LRP1B: variants seen among roughly 807,000 people sequenced by gnomAD.
LRP1B encodes LDL receptor related protein 1B.
LRP1B carries 217 observed loss-of-function variants against 556.6 expected under a neutral mutation model. The observed-to-expected ratio is 0.39, with a 90% CI of 0.35 to 0.44. The LOEUF (loss-of-function observed/expected upper bound fraction) is 0.44. LRP1B is among the 20% of genes least tolerant of loss of function. The pLI is 1.00. For missense variants in LRP1B, 5,053 were observed against 5,620.8 expected (o/e 0.90, Z 3.23); for synonymous variants, 2,047 against 1,865.8 (o/e 1.10, Z -2.50).
Position 141,242,214 on chromosome 2 carries a change from C to T in LRP1B, c.592+5012G>A, listed in dbSNP as rs300365. 4.0e-3 allele frequency among the ~76,000 whole-genome samples: 612 copies of T among 152,216 alleles called. 1 individual carries two copies. Among genetic ancestry groups the T allele is most frequent in the African/African-American group, 0.014 (583 of 41,556 alleles). On this transcript the variant is annotated intron_variant, in intron 5 of 90. Transcript: ENST00000389484. ...TATGTGGCAGAGAATTCTTCCCCCACTACACAGACACCTGCCAATTCTCCC... is the reference window on the plus strand; with the variant it reads ...TATGTGGCAGAGAATTCTTCCCCCATTACACAGACACCTGCCAATTCTCCC...
chr2:140,610,815 C>T (rs1683045903), intron 41 of LRP1B, among the ~76,000 whole-genome samples: 1 of 152,176 alleles, frequency 6.6e-6, no homozygotes, highest in Admixed American at 6.5e-5. Context: ...TCGCTCTCCG[C>T]CCGCCTCGGC....
At chr2:141,722,729 CATAGATAG>C (rs58081113) in intron 2 of LRP1B, among the ~76,000 whole-genome samples, 3,365 of 146,052 alleles carry the variant, frequency 0.023, 49 homozygotes, top group African/African-American at 0.028. Flanking sequence ...CAGATAGATA[CATAGATAG>C]ATAGATAGAT....
At chr2:141,313,596 GAAT>G (rs1466212210) in intron 3 of LRP1B, among the ~76,000 whole-genome samples, 2 of 152,080 alleles carry the variant, frequency 1.3e-5, no homozygotes, top group African/African-American at 4.8e-5. Flanking sequence ...CCTGGATTCT[GAAT>G]AATATTGGAA....
chr2:141,143,031 C>T (rs774027001), intron 7 of LRP1B, among the ~76,000 whole-genome samples: 3 of 145,202 alleles, frequency 2.1e-5, no homozygotes, highest in East Asian at 2.1e-4. Flanking sequence ...CAGGTTCAAA[C>T]GATTCTCCTG....
chr2:140,524,179 C>G (rs1372920016), intron 49 of LRP1B, among the ~76,000 whole-genome samples: 1 of 151,716 alleles, frequency 6.6e-6, no homozygotes, highest in Non-Finnish European at 1.5e-5. Flanking sequence ...GAAACAGACA[C>G]TTCTCAAAAG....
At chr2:142,031,330 A>ATCTTTTTTTTTT (rs1553506158) in intron 1 of LRP1B, among the ~76,000 whole-genome samples, 1 of 117,038 alleles carries the variant, frequency 8.5e-6, no homozygotes, top group African/African-American at 2.9e-5. Flanking sequence ...GATTATACTT[A>ATCTTTTTTTTTT]TTTTTTTTTT....
At chr2:141,464,602 A>ATTTTTTTTTTTTTT (rs1327185759) in intron 3 of LRP1B, among the ~76,000 whole-genome samples, 1 of 73,460 alleles carries the variant, frequency 1.4e-5, no homozygotes, top group African/African-American at 5.6e-5. Context: ...ATATATATAT[A>ATTTTTTTTTTTTTT]TATATTTTTT....
intron 2 of LRP1B, among the ~76,000 whole-genome samples, chr2:141,680,775 T>C (rs1180873841): frequency 6.6e-6 from 1 of 152,174 alleles, no homozygotes; most frequent in East Asian, 1.9e-4. Context: ...TTTGAATCTA[T>C]GGTGTTATCA....
intron 1 of LRP1B, among the ~76,000 whole-genome samples, chr2:142,127,703 T>C (rs1428172781): frequency 2.0e-5 from 3 of 151,984 alleles, no homozygotes; most frequent in African/African-American, 7.2e-5. Context: ...AATTTTGATA[T>C]ACATTTAATT....
intron 19 of LRP1B, 141 bp downstream of exon 19, chr2:140,951,719 C>G: frequency 1.6e-6 from 1 of 621,622 alleles, no homozygotes; most frequent in Non-Finnish European, 2.9e-6. Flanking sequence ...GTGCTGCTAG[C>G]TGCCCGCTCA....
intron 20 of LRP1B, among the ~76,000 whole-genome samples, chr2:140,940,787 G>C (rs1027889715): frequency 1.3e-5 from 2 of 152,108 alleles, no homozygotes; most frequent in African/African-American, 4.8e-5. Context: ...TATATACTCA[G>C]TATTGGGATT....
At chr2:141,916,178 G>T (rs913082688) in intron 1 of LRP1B, among the ~76,000 whole-genome samples, 3 of 152,078 alleles carry the variant, frequency 2.0e-5, no homozygotes, top group African/African-American at 4.8e-5. Context: ...CAATCTGGGT[G>T]CTGATGGCTG....
At chr2:141,481,071 T>C (rs896610342) in intron 2 of LRP1B, among the ~76,000 whole-genome samples, 9 of 152,196 alleles carry the variant, frequency 5.9e-5, no homozygotes, top group Admixed American at 2.0e-4. Flanking sequence ...ATGTATGACT[T>C]CTATTGTTTA....
At chr2:141,132,812 T>C (rs920141630) in intron 7 of LRP1B, among the ~76,000 whole-genome samples, 4 of 152,028 alleles carry the variant, frequency 2.6e-5, no homozygotes, top group Non-Finnish European at 5.9e-5. Flanking sequence ...GATACACAAA[T>C]ATAAAAAAGT....
intron 1 of LRP1B, among the ~76,000 whole-genome samples, chr2:142,086,675 C>A (rs1279648121): frequency 1.3e-5 from 2 of 151,864 alleles, no homozygotes. Context: ...AGCAGCTTTG[C>A]TGGACTTGAG....
intron 3 of LRP1B, among the ~76,000 whole-genome samples, chr2:141,363,166 T>C (rs997598758): frequency 2.0e-5 from 3 of 152,198 alleles, no homozygotes; most frequent in Non-Finnish European, 2.9e-5. Context: ...CATACTTCTT[T>C]GTCTGTTTTT....
At chr2:140,630,236 G>A (rs1175971615) in intron 41 of LRP1B, among the ~76,000 whole-genome samples, 2 of 152,118 alleles carry the variant, frequency 1.3e-5, no homozygotes, top group African/African-American at 4.8e-5. Flanking sequence ...GGAGATTCTG[G>A]TGCATGATAA....
At chr2:141,149,018 A>C (rs2105077155) in intron 7 of LRP1B, among the ~76,000 whole-genome samples, 1 of 152,134 alleles carries the variant, frequency 6.6e-6, no homozygotes, top group African/African-American at 2.4e-5. Flanking sequence ...AACCCTGGGA[A>C]GCAGAGGTTG....
At chr2:141,112,916 A>G (rs953089313) in intron 7 of LRP1B, among the ~76,000 whole-genome samples, 2 of 152,232 alleles carry the variant, frequency 1.3e-5, no homozygotes, top group African/African-American at 4.8e-5. Context: ...AAAAAAGTTC[A>G]TCAGTGTTAA....
Sources: allele counts gnomAD v4.1 joint callset (sites outside exome capture counted in the v4.1 genomes callset), GRCh38; gene constraint gnomAD v4.1.1; transcripts MANE v1.5; gene names NCBI Gene and HGNC (gene_info 2026-07-23, HGNC 2026-07-21).